Variants in RNF121 observed in about 807,000 individuals in gnomAD.
RNF121 encodes the protein ring finger protein 121, also known as E3 ubiquitin ligase RNF121.
In RNF121, 21 loss-of-function variants were observed where a neutral mutation model predicts 46.5. The ratio of observed to expected loss-of-function variants is 0.45; its 90% CI spans 0.32 to 0.65. The LOEUF (loss-of-function observed/expected upper bound fraction) is 0.65, where lower values mean the gene tolerates loss of function less well. RNF121 is among the 30% of genes least tolerant of loss of function. The pLI, the probability that RNF121 is intolerant of heterozygous loss-of-function variation, is 0.04. For synonymous variants in RNF121, 139 were observed against 144.7 expected (o/e 0.96, Z 0.28); for missense variants, 346 against 416.0 (o/e 0.83, Z 1.46).
chr11:71,960,902 T>G lies in RNF121; in HGVS notation c.243+11T>G. ...CCACGCTCCTACAATGTAAGCCACT[T>G]TGCCTCTTACTTCTTTGTCTGTCAG... is the stretch of plus-strand genomic sequence containing the variant. On this transcript the variant is annotated intron_variant, in intron 3 of 8. Coordinates refer to ENST00000361756, the MANE Select transcript of RNF121 (RefSeq NM_018320.5). 6.2e-7 allele frequency: 1 copy of G among 1,612,628 alleles called. No individual in the cohort carries two copies. The highest frequency in any genetic ancestry group is 8.5e-7 in the Non-Finnish European group (1 of 1,179,154).
chr11:71,961,539 G>T (rs1026415624), intron 3 of RNF121, among the ~76,000 whole-genome samples: 1 of 151,996 alleles, frequency 6.6e-6, no homozygotes, highest in Admixed American at 6.6e-5. Context: ...CTCCAGCCTG[G>T]AGACAGAGCA....
intron 1 of RNF121, among the ~76,000 whole-genome samples, chr11:71,943,528 A>G (rs1366298077): frequency 6.6e-6 from 1 of 152,228 alleles, no homozygotes; most frequent in Non-Finnish European, 1.5e-5. Context: ...AATCCTGTTC[A>G]CTTGTTTATT....
intron 3 of RNF121, among the ~76,000 whole-genome samples, chr11:71,966,239 G>C (rs1040512406): frequency 1.3e-5 from 2 of 152,136 alleles, no homozygotes; most frequent in Non-Finnish European, 2.9e-5. Context: ...GGCTGGTCTC[G>C]AATGCCTGAC....
intron 1 of RNF121, among the ~76,000 whole-genome samples, chr11:71,932,588 G>A (rs1016020131): frequency 3.3e-5 from 5 of 152,204 alleles, no homozygotes; most frequent in Non-Finnish European, 2.9e-5. Flanking sequence ...ACATTTGTGA[G>A]GAAGGTTTTA....
intron 3 of RNF121, among the ~76,000 whole-genome samples, chr11:71,964,857 G>A (rs1954236312): frequency 6.6e-6 from 1 of 152,098 alleles, no homozygotes; most frequent in African/African-American, 2.4e-5. Context: ...TTTATGGGAT[G>A]GTTGACTGGA....
chr11:71,966,321 A>C (rs567589589), intron 3 of RNF121, among the ~76,000 whole-genome samples: 2 of 152,090 alleles, frequency 1.3e-5, no homozygotes, highest in Non-Finnish European at 2.9e-5. Context: ...GCCTGGCCTG[A>C]TATTTCCATT....
At chr11:71,992,230 C>G (rs1358688320) in intron 6 of RNF121, among the ~76,000 whole-genome samples, 1 of 152,168 alleles carries the variant, frequency 6.6e-6, no homozygotes, top group African/African-American at 2.4e-5. Flanking sequence ...GGAGTTGCTC[C>G]TTACAATTTT....
intron 2 of RNF121, among the ~76,000 whole-genome samples, chr11:71,958,099 A>C (rs1015272386): frequency 6.6e-6 from 1 of 152,214 alleles, no homozygotes; most frequent in South Asian, 2.1e-4. Context: ...TGTTCGTAGA[A>C]ATATGCTGTC....
chr11:71,965,207 C>T (rs2134182670), intron 3 of RNF121, among the ~76,000 whole-genome samples: 1 of 151,860 alleles, frequency 6.6e-6, no homozygotes, highest in South Asian at 2.1e-4. Context: ...AAATATCTAT[C>T]CATATTGGTG....
At chr11:71,981,988 G>A (rs1050373205) in intron 3 of RNF121, among the ~76,000 whole-genome samples, 1 of 152,150 alleles carries the variant, frequency 6.6e-6, no homozygotes, top group Non-Finnish European at 1.5e-5. Context: ...GAGACTAGAC[G>A]GAAGGCTTCG....
At chr11:71,929,642 A>G (rs914903080) in intron 1 of RNF121, among the ~76,000 whole-genome samples, 9 of 152,204 alleles carry the variant, frequency 5.9e-5, no homozygotes, top group Non-Finnish European at 1.3e-4. Context: ...TATCTAATGC[A>G]TGCTCAGTAA....
intron 1 of RNF121, among the ~76,000 whole-genome samples, chr11:71,952,885 CAT>C (rs1478485265): frequency 2.6e-5 from 4 of 152,268 alleles, no homozygotes; most frequent in Non-Finnish European, 4.4e-5. Flanking sequence ...AAATACTTAA[CAT>C]TTTTTGTGGT....
rs758009015 is a variant in RNF121, at chr11:71,960,732, C to T, written c.102-18C>T. The T allele has an allele frequency of 1.2e-6, 2 of 1,609,592 alleles. No homozygotes were observed. Among genetic ancestry groups the T allele is most frequent in the South Asian group, 1.1e-5 (1 of 90,462 alleles). ...ACAGCATCCCTGACTTGATTCACCC[C>T]ATGTGTTTGGCTTTCAGGGTCGAGC... On this transcript the variant is annotated intron_variant, in intron 2 of 8. Coordinates refer to ENST00000361756, the MANE Select transcript of RNF121 (RefSeq NM_018320.5).
chr11:71,994,964 T>G lies in RNF121; in HGVS notation c.761+112T>G. ...GGCATGCTGTCCAGACCCTTGAGTG[T>G]AGGAGAGCCACAAGAGGGCCACCTT... On this transcript the variant is annotated intron_variant, in intron 7 of 8. Transcript: ENST00000361756. The G allele has an allele frequency of 9.8e-6, 14 of 1,430,852 alleles. No individual in the cohort carries two copies. In the South Asian group the frequency reaches 1.8e-4, roughly 18 times the overall value. The allele number at this position is 1,430,852 out of a possible 1,614,324, so 88.6% of individuals were successfully genotyped here.
rs1954284816 is a variant in RNF121 at position 71,966,672 on chromosome 11, T to C, written c.243+5781T>C. Among the ~76,000 whole-genome samples, 4 of 151,562 alleles carry C rather than the reference T, an allele frequency of 2.6e-5. No homozygotes were observed. The South Asian group carries it at 8.4e-4, about 32-fold the overall frequency. ...AATATATATATATTTTAATTTTTTG[T>C]AGAGTTGGCTCTCACTATATTGCCC... is the stretch of plus-strand genomic sequence containing the variant. On this transcript the variant is annotated intron_variant, in intron 3 of 8. Coordinates refer to ENST00000361756, the MANE Select transcript of RNF121 (RefSeq NM_018320.5).
intron 2 of RNF121, among the ~76,000 whole-genome samples, 199 bp from the exon 3 acceptor site, chr11:71,960,551 G>A (rs563999781): frequency 6.6e-6 from 1 of 152,068 alleles, no homozygotes; most frequent in African/African-American, 2.4e-5. Context: ...TTGCTGGGGG[G>A]TCCGTAGAGC....
chr11:71,968,697 G>C (rs148350608), intron 3 of RNF121, among the ~76,000 whole-genome samples: 1 of 152,028 alleles, frequency 6.6e-6, no homozygotes, highest in Non-Finnish European at 1.5e-5. Context: ...GTAGATATTC[G>C]TTGATCCTTT....
intron 2 of RNF121, among the ~76,000 whole-genome samples, chr11:71,960,308 C>A (rs542595215): frequency 6.6e-6 from 1 of 152,170 alleles, no homozygotes; most frequent in African/African-American, 2.4e-5. Flanking sequence ...ACATTTGCAG[C>A]GTTACTCCTT....
intron 2 of RNF121, 142 bp downstream of exon 2, chr11:71,957,406 C>G (rs950276366): frequency 1.7e-5 from 12 of 714,532 alleles, no homozygotes; most frequent in Non-Finnish European, 2.6e-5. Context: ...TGGGATCTCT[C>G]TAAGTATCTG....
Sources: allele counts gnomAD v4.1 joint callset (sites outside exome capture counted in the v4.1 genomes callset), GRCh38; gene constraint gnomAD v4.1.1; transcripts MANE v1.5; gene names NCBI Gene and HGNC (gene_info 2026-07-23, HGNC 2026-07-21).